NAALADL2: variants seen among roughly 807,000 people sequenced by gnomAD.
The protein encoded by NAALADL2 is N-acetylated alpha-linked acidic dipeptidase like 2.
NAALADL2 carries 76 observed loss-of-function variants against 87.2 expected under a neutral mutation model. The ratio of observed to expected loss-of-function variants is 0.87; its 90% CI spans 0.72 to 1.05. NAALADL2 has a LOEUF of 1.05. Ranked by LOEUF, NAALADL2 falls within the 50% of genes least tolerant of loss-of-function variation. NAALADL2 has a pLI of 0.00. For missense variants in NAALADL2, 1,089 were observed against 945.8 expected (o/e 1.15, Z -1.99); for synonymous variants, 354 against 331.0 (o/e 1.07, Z -0.75).
At chr3:174,760,649 T>C (rs1057193531) in intron 3 of NAALADL2, among the ~76,000 whole-genome samples, 5 of 152,246 alleles carry the variant, frequency 3.3e-5, no homozygotes, top group Admixed American at 2.0e-4. Flanking sequence ...TGGCCTCTGC[T>C]AGGCTCTTGC....
intron 3 of NAALADL2, among the ~76,000 whole-genome samples, chr3:174,744,200 G>A (rs889062737): frequency 6.6e-6 from 1 of 151,826 alleles, no homozygotes; most frequent in Non-Finnish European, 1.5e-5. Context: ...CTAATCAGAT[G>A]ACTATAAAAT....
At chr3:175,369,442 A>G (rs1766156090) in intron 5 of NAALADL2, 1 of 148,540 alleles carries the variant, frequency 6.7e-6, no homozygotes, top group Admixed American at 6.7e-5. Context: ...GTGTACATAT[A>G]CATGTTACAT....
At chr3:174,738,431 TA>T (rs1247854761) in intron 3 of NAALADL2, among the ~76,000 whole-genome samples, 21 of 152,124 alleles carry the variant, frequency 1.4e-4, no homozygotes, top group Admixed American at 8.5e-4. Context: ...TGTAAGGAGT[TA>T]GATTAAATAA....
chr3:175,387,721 G>C (rs1283251993), intron 5 of NAALADL2, among the ~76,000 whole-genome samples: 1 of 151,994 alleles, frequency 6.6e-6, no homozygotes, highest in East Asian at 1.9e-4. Context: ...TTTTTGGAAT[G>C]CTAATAGTAC....
At chr3:175,382,940 T>C (rs1223983584) in intron 5 of NAALADL2, among the ~76,000 whole-genome samples, 1 of 152,164 alleles carries the variant, frequency 6.6e-6, no homozygotes, top group African/African-American at 2.4e-5. Flanking sequence ...CTAATACAAG[T>C]AAATCATCTT....
At chr3:174,724,615 G>T (rs932401743) in intron 2 of NAALADL2, among the ~76,000 whole-genome samples, 1 of 152,068 alleles carries the variant, frequency 6.6e-6, no homozygotes, top group Admixed American at 6.6e-5. Context: ...AGCTCCCTAG[G>T]CATAGAGAGC....
intron 3 of NAALADL2, among the ~76,000 whole-genome samples, chr3:174,798,236 G>A (rs565212278): frequency 1.3e-4 from 20 of 152,078 alleles, no homozygotes; most frequent in Non-Finnish European, 2.5e-4. Flanking sequence ...GTACTACATA[G>A]TTGTGAATAT....
chr3:174,681,131 G>A (rs1727492382), intron 2 of NAALADL2, among the ~76,000 whole-genome samples: 1 of 152,164 alleles, frequency 6.6e-6, no homozygotes, highest in East Asian at 1.9e-4. Context: ...TGCCTGTGGA[G>A]GGAGCAATTA....
intron 5 of NAALADL2, among the ~76,000 whole-genome samples, chr3:175,431,247 C>T (rs556566121): frequency 6.6e-6 from 1 of 152,094 alleles, no homozygotes; most frequent in African/African-American, 2.4e-5. Flanking sequence ...GTACACTTCA[C>T]GAGTTGGGCA....
chr3:175,529,405 A>G (rs1015535343), intron 9 of NAALADL2, among the ~76,000 whole-genome samples: 1 of 152,120 alleles, frequency 6.6e-6, no homozygotes, highest in African/African-American at 2.4e-5. Context: ...AACAGGAAGC[A>G]AACAGTTTAC....
chr3:175,448,347 T>G (rs1056533456), intron 6 of NAALADL2, among the ~76,000 whole-genome samples: 1 of 152,262 alleles, frequency 6.6e-6, no homozygotes, highest in African/African-American at 2.4e-5. Flanking sequence ...TGCCATTTAT[T>G]CTGAGCCCAA....
chr3:175,022,507 A>G (rs1291387229), intron 1 of NAALADL2, among the ~76,000 whole-genome samples: 1 of 152,080 alleles, frequency 6.6e-6, no homozygotes, highest in East Asian at 1.9e-4. Flanking sequence ...CTTTCTTCCA[A>G]GTCCATAATA....
rs76993500 is a variant in NAALADL2 at position 175,073,849 on chromosome 3, G to A, written c.44-22941G>A. Among the ~76,000 whole-genome samples, 1,277 of 152,010 alleles carry A rather than the reference G, an allele frequency of 8.4e-3. 44 individuals are homozygous for A. The East Asian group carries it at 0.13, about 15-fold the overall frequency. On this transcript the variant is annotated intron_variant, in intron 1 of 13. Transcript: ENST00000454872. ...AGACAGTAATTCGAATGGAATGATC[G>A]TCATAAAAAGAAAACCTCAGTTAGG...
intron 2 of NAALADL2, among the ~76,000 whole-genome samples, chr3:174,620,155 T>C (rs1195382953): frequency 6.6e-6 from 1 of 151,996 alleles, no homozygotes; most frequent in Admixed American, 6.6e-5. Flanking sequence ...CCTCTTTCAT[T>C]TGGAAAATAT....
At chr3:175,257,865 A>G (rs77711526) in intron 4 of NAALADL2, among the ~76,000 whole-genome samples, 37,401 of 152,024 alleles carry the variant, frequency 0.25, 4,666 homozygotes, top group East Asian at 0.31. Flanking sequence ...GACATGTGCT[A>G]GATAATTTTC....
At chr3:174,668,750 C>A (rs1028206036) in intron 2 of NAALADL2, among the ~76,000 whole-genome samples, 1 of 152,184 alleles carries the variant, frequency 6.6e-6, no homozygotes, top group Non-Finnish European at 1.5e-5. Flanking sequence ...AGGACATGAA[C>A]TCATCATTTT....
chr3:175,186,988 A>G (rs1460435512), intron 2 of NAALADL2, among the ~76,000 whole-genome samples: 1 of 152,142 alleles, frequency 6.6e-6, no homozygotes, highest in Non-Finnish European at 1.5e-5. Flanking sequence ...TTAGTTCACT[A>G]TTTCATTTTC....
At chr3:175,013,773 G>A (rs933945416) in intron 1 of NAALADL2, among the ~76,000 whole-genome samples, 3 of 152,050 alleles carry the variant, frequency 2.0e-5, no homozygotes, top group East Asian at 1.9e-4. Flanking sequence ...TCCTGGTCTC[G>A]TAAGACCCAG....
chr3:175,205,828 CAAA>C (rs111857461), intron 2 of NAALADL2, among the ~76,000 whole-genome samples: 1 of 143,852 alleles, frequency 7.0e-6, no homozygotes, highest in African/African-American at 2.6e-5. Context: ...TACAAATGGC[CAAA>C]AAAAAAATGA....
Sources: gnomAD v4.1 joint callset for allele counts (sites outside exome capture counted in the v4.1 genomes callset) on GRCh38, gnomAD v4.1.1 for gene constraint, MANE v1.5 for transcripts, NCBI Gene and HGNC (gene_info 2026-07-23, HGNC 2026-07-21) for gene names.